GAS6: variants seen among roughly 807,000 people sequenced by gnomAD.
The protein encoded by GAS6 is growth arrest-specific protein 6.
Under a neutral mutation model 75.8 loss-of-function variants are expected in GAS6, and 41 were observed. The observed-to-expected ratio is 0.54, with a 90% CI of 0.42 to 0.70. The LOEUF (loss-of-function observed/expected upper bound fraction) is 0.70, where lower values mean the gene tolerates loss of function less well. GAS6 is among the 30% of genes least tolerant of loss of function. GAS6 has a pLI of 0.00. For missense variants in GAS6, 854 were observed against 940.2 expected (o/e 0.91, Z 1.20); for synonymous variants, 432 against 412.6 (o/e 1.05, Z -0.57).
rs1420911937 is a variant in GAS6, at chr13:113,845,824, C to A, written c.343+703G>T. The A allele has an allele frequency of 6.6e-6, 1 of 150,448 alleles. No individual in the cohort carries two copies. Among genetic ancestry groups the A allele is most frequent in the Admixed American group, 6.6e-5 (1 of 15,140 alleles). 9.3% of individuals were successfully genotyped at this position (150,448 alleles called of 1,614,324 possible). Reference sequence around the variant, plus strand: ...GGAAGAGATCAAAAGTTTAAAAAAACAGTTCATTCACCCCTGCAGGGGCGG... The same window carrying A: ...GGAAGAGATCAAAAGTTTAAAAAAAAAGTTCATTCACCCCTGCAGGGGCGG... On this transcript the variant is annotated intron_variant, in intron 4 of 14. Transcript: ENST00000327773. This position sits in a 1 kb window ranked among gnomAD's most constrained non-coding sequence, Gnocchi z 4.3.
intron 12 of GAS6, among the ~76,000 whole-genome samples, chr13:113,826,080 G>A (rs2051533926): frequency 1.3e-5 from 2 of 152,180 alleles, no homozygotes; most frequent in South Asian, 4.1e-4. Flanking sequence ...GGGCCGAGCA[G>A]TAACACTATC....
Position 113,827,034 on chromosome 13 carries a change from T to C in GAS6, c.1439A>G (p.Tyr480Cys). The change falls in exon 12 of 15, where the codon TAC becomes TGC. Residue 480 changes from tyrosine to cysteine, a missense_variant. Transcript: ENST00000327773. ...CFSVTERGSF[Y>C]PGSGFAFYSL... ...GTAGAAGGCGAAGCCGCTCCCGGGG[T>C]AGAAAGAGCCTCTCTCCGTCACCGA... The C allele has an allele frequency of 6.2e-7, 1 of 1,613,020 alleles. No homozygotes were observed. Among genetic ancestry groups the C allele is most frequent in the Non-Finnish European group, 8.5e-7 (1 of 1,179,884 alleles).
chr13:113,859,188 G>C (rs1436305767), intron 2 of GAS6, among the ~76,000 whole-genome samples: 1 of 149,314 alleles, frequency 6.7e-6, no homozygotes, highest in Admixed American at 6.7e-5. Flanking sequence ...GTGCCTTTGT[G>C]TGTGCATGTC....
rs190855303 is a variant in GAS6, at chr13:113,833,224, G to A, written c.835-472C>T. On this transcript the variant is annotated intron_variant, in intron 8 of 14. Coordinates refer to ENST00000327773, the MANE Select transcript of GAS6 (RefSeq NM_000820.4). The stretch of plus-strand genomic sequence containing the variant: ...ACACCCCTGGAAGATGGAGGGGCTG[G>A]GGCTGAGCCAGGCCTGCCCTGCCCA... 3 of 1,088,984 alleles carry A rather than the reference G, an allele frequency of 2.8e-6. No homozygotes were observed. The Admixed American group carries it at 1.4e-4, about 51-fold the overall frequency. 67.5% of individuals were successfully genotyped at this position (1,088,984 alleles called of 1,614,324 possible). A position where few individuals can be genotyped will look rare whatever the true frequency, so the allele number is the denominator to read the frequency against.
chr13:113,848,160 G>A lies in GAS6; in HGVS notation c.256-110C>T, dbSNP rs534170932. ...AGAGGCTGCTCTCGGGGCAGCCAGAGGGCCGCCCCACCCGGGGAACTGAGG... is the reference window on the plus strand; with the variant it reads ...AGAGGCTGCTCTCGGGGCAGCCAGAAGGCCGCCCCACCCGGGGAACTGAGG... On this transcript the variant is annotated intron_variant, in intron 2 of 14. Transcript: ENST00000327773. The surrounding 1 kb of genome is among the most constrained non-coding windows in gnomAD (Gnocchi z 4.8). 171 of 1,166,974 alleles carry A rather than the reference G, an allele frequency of 1.5e-4. 2 individuals are homozygous for A. In the East Asian group the frequency reaches 3.9e-3, roughly 27 times the overall value. The allele number at this position is 1,166,974 out of a possible 1,614,324, so 72.3% of individuals were successfully genotyped here. A position where few individuals can be genotyped will look rare whatever the true frequency, so the allele number is the denominator to read the frequency against.
chr13:113,834,798 G>A (rs2051680880), intron 7 of GAS6, 126 bp from the exon 8 acceptor site: 2 of 1,083,070 alleles, frequency 1.8e-6, no homozygotes, highest in Non-Finnish European at 2.4e-6. Flanking sequence ...GATTCTAACG[G>A]GGGCGGCTTG....
At chr13:113,838,019 TAGA>T in intron 6 of GAS6, 47 bp downstream of exon 6, 1 of 1,601,184 alleles carries the variant, frequency 6.2e-7, no homozygotes, top group Non-Finnish European at 8.5e-7. Context: ...TGACCGAAAA[TAGA>T]AGGTGGGGAG....
chr13:113,837,689 T>C lies in GAS6; in HGVS notation c.589+380A>G, dbSNP rs1040329356. Reference sequence around the variant, plus strand: ...ACCAACAACGGGGTGCTTCTGGGGATGCTGGGGAGAGTGGACGGCGGGGGG... The same window carrying C: ...ACCAACAACGGGGTGCTTCTGGGGACGCTGGGGAGAGTGGACGGCGGGGGG... On this transcript the variant is annotated intron_variant, in intron 6 of 14. Coordinates refer to ENST00000327773, the MANE Select transcript of GAS6 (RefSeq NM_000820.4). The surrounding 1 kb of genome is among the most constrained non-coding windows in gnomAD (Gnocchi z 5.1). 5.5e-4 allele frequency among the ~76,000 whole-genome samples: 83 copies of C among 152,148 alleles called. 1 individual carries two copies. The highest frequency in any genetic ancestry group is 1.9e-3 in the African/African-American group (80 of 41,506).
chr13:113,821,326 G>A, intron 14 of GAS6: 1 of 423,636 alleles, frequency 2.4e-6, no homozygotes. Flanking sequence ...CAGGCCTCCT[G>A]GCTCGCTCTC....
At position 113,841,462 on chromosome 13, in the gene GAS6, G is replaced by A. The variant is rs773059494; in HGVS notation, c.344-1612C>T. ...TGCTCCGTACACCCGCGTTTCCTCC[G>A]TATGCCCCAGTTTCCTCCATATGCC... is the stretch of plus-strand genomic sequence containing the variant. On this transcript the variant is annotated intron_variant, in intron 4 of 14. Coordinates refer to ENST00000327773, the MANE Select transcript of GAS6 (RefSeq NM_000820.4). 1.8e-3 allele frequency: 181 copies of A among 98,162 alleles called. 2 individuals carry two copies. Among genetic ancestry groups the A allele is most frequent in the Middle Eastern group, 6.2e-3 (1 of 162 alleles). 6.1% of individuals were successfully genotyped at this position (98,162 alleles called of 1,614,324 possible). A position where few individuals can be genotyped will look rare whatever the true frequency, so the allele number is the denominator to read the frequency against.
chr13:113,834,311 T>C (rs990710689), intron 8 of GAS6, among the ~76,000 whole-genome samples: 2 of 152,184 alleles, frequency 1.3e-5, no homozygotes, highest in African/African-American at 4.8e-5. Context: ...AGTGTCACAC[T>C]GGGGTCCACA....
At chr13:113,841,369 C>A (rs1160373991) in intron 4 of GAS6, 3 of 152,858 alleles carry the variant, frequency 2.0e-5, no homozygotes, top group Admixed American at 1.3e-4. Context: ...GCTGCCCAAC[C>A]ACACTGGCTT....
chr13:113,834,648 C>G lies in GAS6; in HGVS notation c.737G>C (p.Arg246Pro). The change falls in exon 8 of 15, where the codon CGC becomes CCC. Residue 246 changes from arginine to proline, a missense_variant. Physicochemically the swap from Arg to Pro is moderately radical, Grantham distance 103. Coordinates refer to ENST00000327773, the MANE Select transcript of GAS6 (RefSeq NM_000820.4). The part of the protein sequence containing the change: ...CRDVDECLQG[R>P]CEQVCVNSPG... ...GGAGTTCACGCAGACCTGCTCACAG[C>G]GGCCCTGCAGACACTCGTCCACATC... 6.3e-7 allele frequency: 1 copy of G among 1,599,480 alleles called. No homozygotes were observed.
chr13:113,840,025 A>G, intron 4 of GAS6, 175 bp from the exon 5 acceptor site: 1 of 869,046 alleles, frequency 1.2e-6, no homozygotes, highest in Non-Finnish European at 1.7e-6. Flanking sequence ...TAGGGCTGAC[A>G]GAATAGGCTG....
chr13:113,835,397 G>C (rs541336067), intron 7 of GAS6, 116 bp downstream of exon 7: 2 of 1,241,924 alleles, frequency 1.6e-6, no homozygotes, highest in Admixed American at 1.9e-5. Flanking sequence ...CAGGGAGAAA[G>C]AGACTTTCTT....
At chr13:113,857,143 C>A (rs897269482) in intron 2 of GAS6, among the ~76,000 whole-genome samples, 1 of 152,144 alleles carries the variant, frequency 6.6e-6, no homozygotes, top group Admixed American at 6.6e-5. Context: ...TAGGCACTAA[C>A]ACTGGAAGGA....
In GAS6 at chr13:113,828,713, T is replaced by C; in HGVS notation, c.1144-2A>G. 6.2e-7 allele frequency: 1 copy of C among 1,612,738 alleles called. No homozygotes were observed. Among genetic ancestry groups the C allele is most frequent in the Non-Finnish European group, 8.5e-7 (1 of 1,179,622 alleles). On this transcript the variant is annotated splice_acceptor_variant, in intron 10 of 14. Transcript: ENST00000327773. LOFTEE classifies it high-confidence loss of function. The stretch of plus-strand genomic sequence containing the variant: ...CCGCGCCAGCTCCTCAACAGAGATC[T>C]GAAGAGAGGCAGCGCCATGAGAAAA...
intron 4 of GAS6, chr13:113,842,405 G>C (rs927828927): frequency 1.5e-5 from 6 of 394,218 alleles, no homozygotes; most frequent in African/African-American, 1.3e-4. Context: ...GAGTTACGAG[G>C]AAACGAGGAC....
chr13:113,863,512 G>C lies in GAS6; in HGVS notation c.255+63C>G. On this transcript the variant is annotated intron_variant, in intron 2 of 14. Transcript: ENST00000327773. The surrounding 1 kb of genome is among the most constrained non-coding windows in gnomAD (Gnocchi z 9.4). ...GGGGGCGGCAGCAGCGCTGCCTCTC[G>C]GGAGCGGTTGGAGGCGCGCGGGCGC... 1.4e-6 allele frequency: 2 copies of C among 1,442,042 alleles called. No homozygotes were observed. Among genetic ancestry groups the C allele is most frequent in the Non-Finnish European group, 1.8e-6 (2 of 1,101,240 alleles). The allele number at this position is 1,442,042 out of a possible 1,614,324, so 89.3% of individuals were successfully genotyped here. A position where few individuals can be genotyped will look rare whatever the true frequency, so the allele number is the denominator to read the frequency against.
Sources: allele counts gnomAD v4.1 joint callset (sites outside exome capture counted in the v4.1 genomes callset), GRCh38; gene constraint gnomAD v4.1.1; non-coding constraint Gnocchi (gnomAD v3.1); transcripts MANE v1.5; gene names NCBI Gene and HGNC (gene_info 2026-07-23, HGNC 2026-07-21).